DAOA: variants seen among roughly 807,000 people sequenced by gnomAD.
DAOA encodes D-amino acid oxidase activator.
In DAOA, 15 loss-of-function variants were observed where a neutral mutation model predicts 16.4. The ratio of observed to expected loss-of-function variants is 0.91; its 90% confidence interval spans 0.61 to 1.41. The LOEUF (loss-of-function observed/expected upper bound fraction) is 1.41, where lower values mean the gene tolerates loss of function less well. DAOA is among the 40% of genes most tolerant of loss of function. DAOA has a pLI of 0.00. For synonymous variants in DAOA, 75 were observed against 59.1 expected (o/e 1.27, Z -1.23); for missense variants, 230 against 176.8 (o/e 1.30, Z -1.71).
chr13:105,482,741 C>T (rs1030792693), intron 4 of DAOA, among the ~76,000 whole-genome samples: 2 of 152,086 alleles, frequency 1.3e-5, no homozygotes, highest in African/African-American at 4.8e-5. Context: ...CTCCTAACCT[C>T]GTGATCTGCC....
At chr13:105,476,356 T>C (rs1048387506) in intron 4 of DAOA, among the ~76,000 whole-genome samples, 9 of 152,012 alleles carry the variant, frequency 5.9e-5, no homozygotes, top group African/African-American at 2.2e-4. Flanking sequence ...ACTTTTTAAA[T>C]AGACCAAATT....
chr13:105,486,316 C>T (rs1330769519), intron 4 of DAOA, among the ~76,000 whole-genome samples: 1 of 152,060 alleles, frequency 6.6e-6, no homozygotes, highest in Non-Finnish European at 1.5e-5. Context: ...ACACCCTGCC[C>T]CTCTCCTTGG....
chr13:105,489,022 C>A (rs999233247), intron 4 of DAOA, among the ~76,000 whole-genome samples: 2 of 152,166 alleles, frequency 1.3e-5, no homozygotes, highest in Non-Finnish European at 2.9e-5. Context: ...CCAGGAGAGA[C>A]AAACAGTGTG....
chr13:105,466,262 C>A lies in DAOA; in HGVS notation c.-27C>A, dbSNP rs539774660. 1.1e-5 allele frequency: 17 copies of A among 1,613,750 alleles called. No homozygotes were observed. In the Admixed American group the frequency reaches 1.7e-4, roughly 16 times the overall value. On this transcript the variant is annotated 5_prime_UTR_variant, in exon 2 of 6. The change creates a premature stop within an existing upstream ORF in the 5' untranslated region. Coordinates refer to ENST00000375936, the MANE Select transcript of DAOA (RefSeq NM_172370.5). Reference sequence around the variant, plus strand: ...GAGGTCTCATCTCTGCTTCACAATGCCGATGATTTAGCTGGGAGGACCCAA... The same window carrying A: ...GAGGTCTCATCTCTGCTTCACAATGACGATGATTTAGCTGGGAGGACCCAA...
Position 105,472,539 on chromosome 13 carries a change from A to G in DAOA, c.135A>G (p.Ala45=), listed in dbSNP as rs764146228. The change falls in exon 4 of 6, where the codon GCA becomes GCG. Residue 45 remains alanine (A), a splice_region_variant and synonymous_variant. Coordinates refer to ENST00000375936, the MANE Select transcript of DAOA (RefSeq NM_172370.5). Reference sequence around the variant, plus strand: ...ATATCCACTTAAATACTGTTGCAGCAAAGGAGACAGAAGAAGGAAGAGAGA... The same window carrying G: ...ATATCCACTTAAATACTGTTGCAGCGAAGGAGACAGAAGAAGGAAGAGAGA... ...SKSENSLNSI[A]KETEEGRETV... is the part of the protein sequence containing the mutation. The G allele has an allele frequency of 7.4e-6, 12 of 1,613,562 alleles. No homozygotes were observed. The East Asian group carries it at 1.1e-4, about 15-fold the overall frequency.
intron 4 of DAOA, among the ~76,000 whole-genome samples, chr13:105,489,590 T>G (rs1050590246): frequency 6.6e-6 from 1 of 152,224 alleles, no homozygotes; most frequent in Non-Finnish European, 1.5e-5. Context: ...CTAGACTTGT[T>G]TAATGTAAGC....
intron 4 of DAOA, among the ~76,000 whole-genome samples, chr13:105,473,835 G>T (rs1346164504): frequency 6.6e-6 from 1 of 152,062 alleles, no homozygotes; most frequent in East Asian, 1.9e-4. Flanking sequence ...GTTCCAATCA[G>T]AGCTGCCTAA....
At chr13:105,481,991 A>G (rs2139193986) in intron 4 of DAOA, among the ~76,000 whole-genome samples, 1 of 152,338 alleles carries the variant, frequency 6.6e-6, no homozygotes, top group East Asian at 1.9e-4. Flanking sequence ...TTATGGCAGA[A>G]GATGAAGGAA....
chr13:105,479,102 G>T (rs191740440), intron 4 of DAOA, among the ~76,000 whole-genome samples: 1 of 151,936 alleles, frequency 6.6e-6, no homozygotes, highest in Non-Finnish European at 1.5e-5. Context: ...CTTTATCTTC[G>T]CTATAAATTT....
At chr13:105,471,711 T>C (rs1222741716) in intron 3 of DAOA, among the ~76,000 whole-genome samples, 1 of 152,180 alleles carries the variant, frequency 6.6e-6, no homozygotes, top group African/African-American at 2.4e-5. Flanking sequence ...CATCTACAGG[T>C]AAAACTGGTC....
rs76604466 is a variant in DAOA at position 105,485,736 on chromosome 13, G to A, written c.282-4165G>A. On this transcript the variant is annotated intron_variant, in intron 4 of 5. Coordinates refer to ENST00000375936, the MANE Select transcript of DAOA (RefSeq NM_172370.5). ...TACAGAGGCAGACATACACGGAGAA[G>A]AGAAGGTGAAGACATACAGGAAGAA... 7.9e-3 allele frequency among the ~76,000 whole-genome samples: 1,209 copies of A among 152,292 alleles called. 38 individuals carry two copies. In the East Asian group the frequency reaches 0.084, roughly 11 times the overall value.
intron 4 of DAOA, among the ~76,000 whole-genome samples, chr13:105,474,735 T>G (rs1877222301): frequency 6.6e-6 from 1 of 152,114 alleles, no homozygotes; most frequent in Non-Finnish European, 1.5e-5. Context: ...CTTTTCAAGT[T>G]GGAATTGGGA....
chr13:105,484,721 T>C (rs1877991491), intron 4 of DAOA, among the ~76,000 whole-genome samples: 1 of 152,164 alleles, frequency 6.6e-6, no homozygotes, highest in Non-Finnish European at 1.5e-5. Flanking sequence ...GTTTCATAGT[T>C]ATTTATATAG....
chr13:105,475,616 G>A (rs957469009), intron 4 of DAOA, among the ~76,000 whole-genome samples: 12 of 152,190 alleles, frequency 7.9e-5, no homozygotes, highest in African/African-American at 2.7e-4. Flanking sequence ...ATGCTGTAAT[G>A]TGGGAAGGTA....
At chr13:105,474,897 C>A in intron 4 of DAOA, 1 of 537,154 alleles carries the variant, frequency 1.9e-6, no homozygotes, top group Non-Finnish European at 2.4e-6. Context: ...AAGTAAAAGA[C>A]AAACTTGATG....
intron 4 of DAOA, among the ~76,000 whole-genome samples, chr13:105,479,300 G>T (rs1162972813): frequency 2.0e-5 from 3 of 152,110 alleles, no homozygotes; most frequent in African/African-American, 7.2e-5. Flanking sequence ...ATGCTAGAAG[G>T]TCCTATCATT....
At chr13:105,487,627 T>C (rs1005437064) in intron 4 of DAOA, among the ~76,000 whole-genome samples, 5 of 150,362 alleles carry the variant, frequency 3.3e-5, no homozygotes, top group Non-Finnish European at 7.4e-5. Flanking sequence ...AATAATCTAA[T>C]GCTAGAGGGA....
intron 3 of DAOA, among the ~76,000 whole-genome samples, chr13:105,470,642 C>T (rs1876864453): frequency 6.6e-6 from 1 of 152,008 alleles, no homozygotes; most frequent in Non-Finnish European, 1.5e-5. Context: ...CAGAGTCTTG[C>T]TCCGTTGCCC....
intron 2 of DAOA, 66 bp downstream of exon 2, chr13:105,466,398 C>T: frequency 6.2e-7 from 1 of 1,609,720 alleles, no homozygotes; most frequent in Middle Eastern, 1.7e-4. Flanking sequence ...CATGGCAGCA[C>T]AGAGCTCCCA....
Sources: gnomAD v4.1 joint callset for allele counts (sites outside exome capture counted in the v4.1 genomes callset) on GRCh38, gnomAD v4.1.1 for gene constraint, MANE v1.5 for transcripts, NCBI Gene and HGNC (gene_info 2026-07-23, HGNC 2026-07-21) for gene names.